Variants in PIK3CA observed in about 807,000 individuals in gnomAD.
PIK3CA encodes the protein phosphatidylinositol-4,5-bisphosphate 3-kinase catalytic subunit alpha.
In PIK3CA, 27 loss-of-function variants were observed where a neutral mutation model predicts 138.2. The ratio of observed to expected loss-of-function variants is 0.20; its 90% CI spans 0.14 to 0.27. The LOEUF is 0.27. PIK3CA is among the 10% of genes least tolerant of loss of function. The pLI is 1.00. For missense variants in PIK3CA, 544 were observed against 1,277.4 expected (o/e 0.43, Z 8.75); for synonymous variants, 358 against 413.2 (o/e 0.87, Z 1.62).
At chr3:179,215,068 G>T (rs1289873988) in intron 9 of PIK3CA, among the ~76,000 whole-genome samples, 3 of 152,188 alleles carry the variant, frequency 2.0e-5, no homozygotes, top group East Asian at 3.9e-4. Flanking sequence ...TGAATTTTGG[G>T]CCAAGAAGTC....
rs567718854 is a variant in PIK3CA at position 179,212,553 on chromosome 3, G to A, written c.1539+1988G>A. Among the ~76,000 whole-genome samples the A allele has an allele frequency of 5.3e-5, 8 of 151,922 alleles. No individual in the cohort carries two copies. In the South Asian group the frequency reaches 1.0e-3, roughly 20 times the overall value. On this transcript the variant is annotated intron_variant, in intron 9 of 20. Coordinates refer to ENST00000263967, the MANE Select transcript of PIK3CA (RefSeq NM_006218.4). ...TGGGAGATGGAGGTTGCAGTGAGCC[G>A]AGATTGCGCCGCTGCACTCCAGCCT...
At chr3:179,174,621 G>T (rs61796464) in intron 1 of PIK3CA, among the ~76,000 whole-genome samples, 1 of 152,112 alleles carries the variant, frequency 6.6e-6, no homozygotes, top group East Asian at 1.9e-4. Context: ...TAATAATGGG[G>T]TATATTGCTC....
rs1724932964 is a variant in PIK3CA at position 179,220,147 on chromosome 3, T to G, written c.2015+95T>G. The stretch of plus-strand genomic sequence containing the variant: ...TATGTATTACTTATATACTTTTGTT[T>G]ATGTTTGGCTGGAAGAGTTTTCCAT... On this transcript the variant is annotated intron_variant, in intron 13 of 20. Coordinates refer to ENST00000263967, the MANE Select transcript of PIK3CA (RefSeq NM_006218.4). This position sits in a 1 kb window ranked among gnomAD's most constrained non-coding sequence, Gnocchi z 4.1. The G allele has an allele frequency of 2.0e-6, 2 of 994,480 alleles. No individual in the cohort carries two copies. The highest frequency in any genetic ancestry group is 1.7e-5 in the African/African-American group (1 of 59,044). 61.6% of individuals were successfully genotyped at this position (994,480 alleles called of 1,614,324 possible).
At position 179,235,750 on chromosome 3, in the gene PIK3CA, C is replaced by T. The variant is rs1462620588; in HGVS notation, c.*1386C>T. On this transcript the variant is annotated 3_prime_UTR_variant, in exon 21 of 21. Coordinates refer to ENST00000263967, the MANE Select transcript of PIK3CA (RefSeq NM_006218.4). ...ATTTATCCATATCTCCAAAGTAGAA[C>T]ATTAAACCATTTTAAGATATGTCTC... 1 of 210,070 alleles carries T rather than the reference C, an allele frequency of 4.8e-6. No individual in the cohort carries two copies. Among genetic ancestry groups the T allele is most frequent in the Non-Finnish European group, 9.7e-6 (1 of 103,338 alleles). The allele number at this position is 210,070 out of a possible 1,614,324, so 13.0% of individuals were successfully genotyped here.
intron 1 of PIK3CA, among the ~76,000 whole-genome samples, chr3:179,160,029 T>G (rs1723236496): frequency 2.6e-5 from 4 of 152,116 alleles, no homozygotes; most frequent in Admixed American, 2.6e-4. Context: ...TTACTCTGGG[T>G]GAGTTGGTGA....
intron 9 of PIK3CA, among the ~76,000 whole-genome samples, chr3:179,211,458 G>A (rs1454221931): frequency 2.6e-5 from 4 of 152,070 alleles, no homozygotes; most frequent in African/African-American, 9.7e-5. Flanking sequence ...ATCACCTGAG[G>A]TCAGAGTTCA....
At chr3:179,167,050 T>G (rs903127166) in intron 1 of PIK3CA, among the ~76,000 whole-genome samples, 41 of 152,248 alleles carry the variant, frequency 2.7e-4, no homozygotes, top group African/African-American at 9.1e-4. Flanking sequence ...CACCACACTT[T>G]GAAATGTATT....
chr3:179,178,280 A>AC (rs1723754159), intron 1 of PIK3CA, among the ~76,000 whole-genome samples: 1 of 146,962 alleles, frequency 6.8e-6, no homozygotes, highest in African/African-American at 2.5e-5. Context: ...AAAAAAAAAA[A>AC]CTCAGAAATT....
At chr3:179,207,062 G>A (rs1246900705) in intron 6 of PIK3CA, among the ~76,000 whole-genome samples, 1 of 152,118 alleles carries the variant, frequency 6.6e-6, no homozygotes, top group Non-Finnish European at 1.5e-5. Flanking sequence ...TTATGGTAGT[G>A]TGAAAATTTA....
intron 20 of PIK3CA, among the ~76,000 whole-genome samples, chr3:179,233,704 A>G (rs943803179): frequency 1.3e-5 from 2 of 152,186 alleles, no homozygotes; most frequent in African/African-American, 2.4e-5. Context: ...ATGGTATCTC[A>G]TTAGACTATA....
rs1474865972 is a variant in PIK3CA, at chr3:179,219,080, C to G, written c.1665-116C>G. The G allele has an allele frequency of 1.7e-6, 1 of 577,956 alleles. No homozygotes were observed. Among genetic ancestry groups the G allele is most frequent in the African/African-American group, 1.9e-5 (1 of 52,682 alleles). The allele number at this position is 577,956 out of a possible 1,614,324, so 35.8% of individuals were successfully genotyped here. A position where few individuals can be genotyped will look rare whatever the true frequency, so the allele number is the denominator to read the frequency against. ...TGATGTCTTTTGAATTTTAAAAAAG[C>G]TAGTAATGTAAGAAGTTTGGGACTT... is the stretch of plus-strand genomic sequence containing the variant. On this transcript the variant is annotated intron_variant, in intron 10 of 20. Coordinates refer to ENST00000263967, the MANE Select transcript of PIK3CA (RefSeq NM_006218.4). The surrounding 1 kb of genome is among the most constrained non-coding windows in gnomAD (Gnocchi z 4.2).
At position 179,239,160 on chromosome 3, in the gene PIK3CA, A is replaced by T. The variant is rs566110755; in HGVS notation, c.*4796A>T. The T allele has an allele frequency of 3.8e-5, 8 of 211,330 alleles. No homozygotes were observed. Among genetic ancestry groups the T allele is most frequent in the Non-Finnish European group, 6.7e-5 (7 of 104,098 alleles). 13.1% of individuals were successfully genotyped at this position (211,330 alleles called of 1,614,324 possible). ...GGTAAATGATTTTTCTACCAACAGT[A>T]TACTCCATTCCTCATGTAGGTAAGT... On this transcript the variant is annotated 3_prime_UTR_variant, in exon 21 of 21. Coordinates refer to ENST00000263967, the MANE Select transcript of PIK3CA (RefSeq NM_006218.4).
At chr3:179,231,055 T>C (rs1045391742) in intron 20 of PIK3CA, among the ~76,000 whole-genome samples, 1 of 152,132 alleles carries the variant, frequency 6.6e-6, no homozygotes, top group Admixed American at 6.5e-5. Flanking sequence ...TAGCTCCCAC[T>C]TACAAGTGAG....
intron 1 of PIK3CA, among the ~76,000 whole-genome samples, chr3:179,197,703 T>C (rs1724304072): frequency 6.6e-6 from 1 of 152,226 alleles, no homozygotes; most frequent in Non-Finnish European, 1.5e-5. Context: ...CCTTTTTGAT[T>C]CATGTCTCTA....
chr3:179,229,399 C>T lies in PIK3CA; in HGVS notation c.2623C>T (p.His875Tyr), dbSNP rs892699659. Residue 875 changes from histidine to tyrosine, a missense_variant, in exon 18 of 21, where the codon CAC becomes TAC. Transcript: ENST00000263967. ...GAAAGGTGCACTGCAGTTCAACAGC[C>T]ACACACTACATCAGTGGCTCAAAGA... is the stretch of plus-strand genomic sequence containing the variant. ...GLKGALQFNS[H>Y]TLHQWLKDKN... 3 of 1,613,084 alleles carry T rather than the reference C, an allele frequency of 1.9e-6. No homozygotes were observed. The highest frequency in any genetic ancestry group is 2.7e-5 in the African/African-American group (2 of 74,820).
At chr3:179,191,293 C>T (rs921290538) in intron 1 of PIK3CA, among the ~76,000 whole-genome samples, 3 of 152,156 alleles carry the variant, frequency 2.0e-5, no homozygotes, top group Admixed American at 1.3e-4. Context: ...AGAGATGTAA[C>T]TGAGTTAGCC....
At chr3:179,165,849 T>C (rs1723404590) in intron 1 of PIK3CA, among the ~76,000 whole-genome samples, 1 of 152,198 alleles carries the variant, frequency 6.6e-6, no homozygotes, top group South Asian at 2.1e-4. Context: ...TGGCTTCTCC[T>C]ACTCAGTAAC....
Position 179,204,596 on chromosome 3 carries a change from AGT to A in PIK3CA, c.1145+9_1145+10del. The A allele has an allele frequency of 1.5e-6, 2 of 1,336,880 alleles. No homozygotes were observed. The highest frequency in any genetic ancestry group is 2.2e-6 in the Non-Finnish European group (2 of 928,048). 82.8% of individuals were successfully genotyped at this position (1,336,880 alleles called of 1,614,324 possible). ...ACCTTGTTCCAATCCCAGGTAAGGA[AGT>A]ATATAGATTTATATTTCCAAAGGTT... On this transcript the variant is annotated intron_variant, in intron 6 of 20. Coordinates refer to ENST00000263967, the MANE Select transcript of PIK3CA (RefSeq NM_006218.4).
At chr3:179,166,469 A>G (rs1048487268) in intron 1 of PIK3CA, among the ~76,000 whole-genome samples, 24 of 152,198 alleles carry the variant, frequency 1.6e-4, no homozygotes, top group Non-Finnish European at 7.3e-5. Context: ...TTCACACTTT[A>G]TAAAAATAAA....
Sources: gnomAD v4.1 joint callset for allele counts (sites outside exome capture counted in the v4.1 genomes callset) on GRCh38, gnomAD v4.1.1 for gene constraint, Gnocchi (gnomAD v3.1) non-coding constraint, MANE v1.5 for transcripts, NCBI Gene and HGNC (gene_info 2026-07-23, HGNC 2026-07-21) for gene names.